The following NRXN1 variants were observed in gnomAD, a reference collection of about 807,000 sequenced individuals.
The protein encoded by NRXN1 is neurexin 1.
Under a neutral mutation model 150.9 loss-of-function variants are expected in NRXN1, and 39 were observed. The ratio of observed to expected loss-of-function variants is 0.26; its 90% CI spans 0.20 to 0.34. The LOEUF is 0.34. Ranked by LOEUF, NRXN1 falls within the 10% of genes least tolerant of loss-of-function variation. The pLI is 1.00. For missense variants in NRXN1, 1,815 were observed against 1,949.9 expected, an observed-to-expected ratio of 0.93 and a Z score of 1.30; for synonymous variants, 924 against 757.0, an observed-to-expected ratio of 1.22 and a Z score of -3.62.
intron 5 of NRXN1, among the ~76,000 whole-genome samples, chr2:50,824,315 T>TGC (rs1281040525): frequency 6.6e-6 from 1 of 151,922 alleles, no homozygotes; most frequent in Non-Finnish European, 1.5e-5. Context: ...TGTGTGTGTG[T>TGC]GTGTGTGTGT....
At chr2:50,388,888 G>T (rs1452288235) in intron 17 of NRXN1, among the ~76,000 whole-genome samples, 1 of 151,940 alleles carries the variant, frequency 6.6e-6, no homozygotes, top group Non-Finnish European at 1.5e-5. Context: ...TTGTTACTTT[G>T]AGATGTTTAT....
intron 17 of NRXN1, among the ~76,000 whole-genome samples, chr2:50,323,211 A>G (rs766461074): frequency 5.3e-5 from 8 of 152,198 alleles, no homozygotes; most frequent in Non-Finnish European, 2.9e-5. Context: ...TTTAACATAC[A>G]GCAGAATCTT....
chr2:50,718,000 A>G (rs1013846564), intron 5 of NRXN1, among the ~76,000 whole-genome samples: 20 of 152,298 alleles, frequency 1.3e-4, no homozygotes, highest in African/African-American at 4.8e-4. Context: ...TTAGTGCACT[A>G]CAACAGTTTA....
intron 17 of NRXN1, among the ~76,000 whole-genome samples, chr2:50,400,058 T>C (rs1410430452): frequency 1.3e-5 from 2 of 151,976 alleles, no homozygotes; most frequent in Non-Finnish European, 2.9e-5. Flanking sequence ...GCTTGTGGCA[T>C]AATGCACCCC....
At chr2:50,894,733 A>T (rs1265585424) in intron 5 of NRXN1, among the ~76,000 whole-genome samples, 2 of 152,168 alleles carry the variant, frequency 1.3e-5, no homozygotes, top group East Asian at 3.9e-4. Context: ...AAATCAACAA[A>T]AAGTATATGT....
At chr2:50,810,380 T>C (rs1668047998) in intron 5 of NRXN1, among the ~76,000 whole-genome samples, 1 of 152,184 alleles carries the variant, frequency 6.6e-6, no homozygotes, top group Non-Finnish European at 1.5e-5. Context: ...AATAATACTT[T>C]GCAGTTCTCT....
At chr2:50,771,715 A>C (rs1703035055) in intron 5 of NRXN1, among the ~76,000 whole-genome samples, 1 of 152,100 alleles carries the variant, frequency 6.6e-6, no homozygotes, top group Non-Finnish European at 1.5e-5. Flanking sequence ...ATTTAAAAGG[A>C]TGCTACGAGT....
At chr2:50,841,024 C>T (rs761753897) in intron 5 of NRXN1, 2 of 152,454 alleles carry the variant, frequency 1.3e-5, no homozygotes, top group African/African-American at 2.4e-5. Flanking sequence ...TTGCTTCTGC[C>T]CCTCTGCAAA....
chr2:50,748,232 T>A (rs911968714), intron 5 of NRXN1, among the ~76,000 whole-genome samples: 2 of 152,184 alleles, frequency 1.3e-5, no homozygotes, highest in Admixed American at 6.6e-5. Context: ...CAAATCATGT[T>A]GCTCCTATAG....
intron 8 of NRXN1, among the ~76,000 whole-genome samples, chr2:50,587,893 T>C (rs1673435457): frequency 6.6e-6 from 1 of 152,170 alleles, no homozygotes; most frequent in Non-Finnish European, 1.5e-5. Flanking sequence ...ATGGTATTTA[T>C]ATATTAAGAC....
chr2:50,939,207 T>A (rs1326475812), intron 2 of NRXN1, among the ~76,000 whole-genome samples: 4 of 63,220 alleles, frequency 6.3e-5, no homozygotes, highest in South Asian at 8.5e-4. Context: ...CGAGACTCCA[T>A]CTCAAAAAAA....
chr2:50,607,205 C>T (rs1677276172), intron 8 of NRXN1, among the ~76,000 whole-genome samples: 1 of 152,080 alleles, frequency 6.6e-6, no homozygotes, highest in African/African-American at 2.4e-5. Context: ...GCCGCCAGCT[C>T]ACTTCAGACA....
At chr2:50,503,000 C>T (rs546589163) in intron 13 of NRXN1, among the ~76,000 whole-genome samples, 32 of 152,078 alleles carry the variant, frequency 2.1e-4, no homozygotes, top group African/African-American at 6.5e-4. Context: ...CCTGGAACAT[C>T]CTGTTATTCC....
At chr2:50,493,031 A>G (rs781161408) in intron 15 of NRXN1, among the ~76,000 whole-genome samples, 3 of 152,218 alleles carry the variant, frequency 2.0e-5, no homozygotes, top group Non-Finnish European at 4.4e-5. Context: ...ATTCTCAAGT[A>G]GCTAAAGTTG....
At chr2:50,765,130 AC>A (rs1702238443) in intron 5 of NRXN1, among the ~76,000 whole-genome samples, 1 of 152,048 alleles carries the variant, frequency 6.6e-6, no homozygotes, top group South Asian at 2.1e-4. Context: ...TTTCCATGAA[AC>A]TAACTTAACT....
intron 5 of NRXN1, among the ~76,000 whole-genome samples, chr2:50,773,467 G>T (rs907789698): frequency 4.6e-5 from 7 of 152,120 alleles, no homozygotes; most frequent in African/African-American, 2.4e-5. Context: ...CAGATAGAAG[G>T]CCTGAAATAA....
chr2:50,162,374 A>C (rs551642377), intron 18 of NRXN1, among the ~76,000 whole-genome samples: 6 of 152,116 alleles, frequency 3.9e-5, no homozygotes, highest in African/African-American at 1.4e-4. Context: ...TAAATGTAAA[A>C]CTCTGCCTAT....
At chr2:50,374,078 C>T (rs1275565427) in intron 17 of NRXN1, among the ~76,000 whole-genome samples, 1 of 98,564 alleles carries the variant, frequency 1.0e-5, no homozygotes, top group Non-Finnish European at 1.8e-5. Context: ...TGGGGAGGAT[C>T]ACTTCATCTC....
intron 18 of NRXN1, among the ~76,000 whole-genome samples, chr2:50,126,148 C>T (rs1334485332): frequency 6.6e-6 from 1 of 152,092 alleles, no homozygotes; most frequent in Non-Finnish European, 1.5e-5. Context: ...TAAACATACA[C>T]CCTTTTCGGC....
Sources: allele counts gnomAD v4.1 joint callset (sites outside exome capture counted in the v4.1 genomes callset), GRCh38; gene constraint gnomAD v4.1.1; transcripts MANE v1.5; gene names NCBI Gene and HGNC (gene_info 2026-07-23, HGNC 2026-07-21).